Variants in EPHA10 observed in about 807,000 individuals in gnomAD.
EPHA10 encodes ephrin type-A receptor 10.
EPHA10 carries 120 observed loss-of-function variants against 109.7 expected under a neutral mutation model. That is an observed-to-expected ratio of 1.09 (90% CI 0.94 to 1.27). The LOEUF (loss-of-function observed/expected upper bound fraction) is 1.27. EPHA10 is among the 50% of genes most tolerant of loss of function. The probability of loss-of-function intolerance (pLI) is 0.00; values close to 1 mark genes in which losing one functional copy is unlikely to be tolerated. For missense variants in EPHA10, 1,396 were observed against 1,411.1 expected (o/e 0.99, Z 0.17); for synonymous variants, 640 against 618.9 (o/e 1.03, Z -0.51).
In EPHA10 at chr1:37,719,820, A is replaced by G. The variant is rs530579031; in HGVS notation, c.2562+89T>C. The G allele has an allele frequency of 6.9e-6, 11 of 1,599,066 alleles. No homozygotes were observed. In the East Asian group the frequency reaches 2.5e-4, roughly 36 times the overall value. On this transcript the variant is annotated intron_variant, in intron 14 of 16. Transcript: ENST00000373048. ...CAGAGAAGAGGGGCCTGAGGCAGGA[A>G]GATTGAGGGCCAACGGGCAGAGGTC...
At chr1:37,721,904 A>C (rs952598574) in intron 10 of EPHA10, 59 bp from the exon 11 acceptor site, 1 of 1,424,534 alleles carries the variant, frequency 7.0e-7, no homozygotes, top group African/African-American at 1.5e-5. Context: ...TGAGCTGGGC[A>C]GGCTGAGCCG....
rs765372796 is a variant in EPHA10 at position 37,720,377 on chromosome 1, G to A, written c.2386C>T (p.Arg796Ter). The A allele has an allele frequency of 8.7e-6, 14 of 1,611,580 alleles. No individual in the cohort carries two copies. The highest frequency in any genetic ancestry group is 8.4e-5 in the Admixed American group (5 of 59,816). Reference sequence around the variant, plus strand: ...ATAGTGGTGTAGACAGCCTCTGATCGGTCCCGGGGGCCCCGCCCGAAGCCA... The same window carrying A: ...ATAGTGGTGTAGACAGCCTCTGATCAGTCCCGGGGGCCCCGCCCGAAGCCA... ...ISGFGRGPRD[R>*]SEAVYTTMSG... Residue 796 changes from arginine (R) to a stop codon, truncating the protein, a stop_gained, in exon 13 of 17, where the codon CGA becomes TGA. Transcript: ENST00000373048. LOFTEE classifies it high-confidence loss of function.
chr1:37,753,021 C>T lies in EPHA10; in HGVS notation c.1212G>A (p.Gly404=). The T allele has an allele frequency of 1.6e-6, 2 of 1,231,874 alleles. No homozygotes were observed. Among genetic ancestry groups the T allele is most frequent in the Non-Finnish European group, 2.0e-6 (2 of 988,924 alleles). 76.3% of individuals were successfully genotyped at this position (1,231,874 alleles called of 1,614,324 possible). ...GCAGCGTGGCGGCTCGCTCCCGCAGCCCTGCCTGGCGCGGTAGGAAGGCCA... is the reference window on the plus strand; with the variant it reads ...GCAGCGTGGCGGCTCGCTCCCGCAGTCCTGCCTGGCGCGGTAGGAAGGCCA... ...PRVAFLPRQA[G]LRERAATLLH... is the part of the protein sequence containing the mutation. The change falls in exon 5 of 17, where the codon GGG becomes GGA. Residue 404 remains glycine, a synonymous_variant. Transcript: ENST00000373048.
rs569492625 is a variant in EPHA10 at position 37,725,210 on chromosome 1, A to C, written c.1773-1838T>G. ...GCAGACCAAGAAGGGAACTGGATTA[A>C]GTATTGGGGTGAGGCCAGGCATGGT... On this transcript the variant is annotated intron_variant, in intron 8 of 16. Transcript: ENST00000373048. Among the ~76,000 whole-genome samples, 19 of 152,232 alleles carry C rather than the reference A, an allele frequency of 1.2e-4. No homozygotes were observed. The South Asian group carries it at 3.7e-3, about 30-fold the overall frequency.
chr1:37,717,834 T>C lies in EPHA10; in HGVS notation c.*538A>G. The C allele has an allele frequency of 4.3e-6, 1 of 234,914 alleles. No homozygotes were observed. The highest frequency in any genetic ancestry group is 8.4e-6 in the Non-Finnish European group (1 of 118,988). 14.6% of individuals were successfully genotyped at this position (234,914 alleles called of 1,614,324 possible). A position where few individuals can be genotyped will look rare whatever the true frequency, so the allele number is the denominator to read the frequency against. On this transcript the variant is annotated 3_prime_UTR_variant, in exon 17 of 17. Coordinates refer to ENST00000373048, the MANE Select transcript of EPHA10 (RefSeq NM_001099439.2). ...CCTTGGCCAGTGTCCAGTCAGCCCC[T>C]GCCAAGGCACAGGGAGCTGAGGTGG...
At chr1:37,715,854 C>G, downstream of EPHA10, 1 of 544,890 alleles carries the variant, frequency 1.8e-6, no homozygotes. Flanking sequence ...GTTGGACTCA[C>G]CTCTATGCAG....
chr1:37,738,311 G>A (rs979446347), intron 5 of EPHA10, among the ~76,000 whole-genome samples: 2 of 152,178 alleles, frequency 1.3e-5, no homozygotes, highest in African/African-American at 4.8e-5. Context: ...AGGTTGCAGT[G>A]AGCTGAGATC....
At chr1:37,732,525 A>C (rs1341858561) in intron 6 of EPHA10, among the ~76,000 whole-genome samples, 1 of 152,182 alleles carries the variant, frequency 6.6e-6, no homozygotes, top group Non-Finnish European at 1.5e-5. Context: ...ACTTTGACCC[A>C]AGCTGGGCCA....
intron 12 of EPHA10, 92 bp downstream of exon 12, chr1:37,720,691 T>C: frequency 6.4e-7 from 1 of 1,561,570 alleles, no homozygotes; most frequent in Non-Finnish European, 8.8e-7. Context: ...GTGGGGATGA[T>C]GCCAATTCCA....
chr1:37,753,263 C>G, intron 4 of EPHA10, 37 bp from the exon 5 acceptor site: 1 of 256,700 alleles, frequency 3.9e-6, no homozygotes, highest in Non-Finnish European at 4.8e-6. Context: ...CAGGGCGGGG[C>G]GTGGGTGCCC....
intron 5 of EPHA10, among the ~76,000 whole-genome samples, chr1:37,741,281 G>A (rs1399099808): frequency 6.6e-6 from 1 of 152,234 alleles, no homozygotes; most frequent in African/African-American, 2.4e-5. Context: ...GCTGAGAGGA[G>A]ACAACAGAGT....
At chr1:37,725,963 C>T (rs573286431) in intron 8 of EPHA10, among the ~76,000 whole-genome samples, 28 of 152,166 alleles carry the variant, frequency 1.8e-4, no homozygotes, top group Non-Finnish European at 3.1e-4. Context: ...ACCTCTCTAC[C>T]CCTCCACACT....
chr1:37,720,157 A>C, intron 13 of EPHA10, 99 bp from the exon 14 acceptor site: 1 of 1,501,920 alleles, frequency 6.7e-7, no homozygotes, highest in Non-Finnish European at 9.0e-7. Context: ...TCATCCTCCC[A>C]GGCAACCCCC....
Position 37,718,322 on chromosome 1 carries a change from TG to T in EPHA10, c.*49del. On this transcript the variant is annotated 3_prime_UTR_variant, in exon 17 of 17. Coordinates refer to ENST00000373048, the MANE Select transcript of EPHA10 (RefSeq NM_001099439.2). ...GCTTGCCACGGTCCTTGGGCAGGGC[TG>T]GGGGACTGGACCCCCACCGGAGTCC... 2.7e-6 allele frequency: 4 copies of T among 1,486,452 alleles called. No individual in the cohort carries two copies. Among genetic ancestry groups the T allele is most frequent in the Non-Finnish European group, 3.7e-6 (4 of 1,087,668 alleles). 92.1% of individuals were successfully genotyped at this position (1,486,452 alleles called of 1,614,324 possible). A position where few individuals can be genotyped will look rare whatever the true frequency, so the allele number is the denominator to read the frequency against.
intron 7 of EPHA10, among the ~76,000 whole-genome samples, chr1:37,728,988 T>C (rs1400455465): frequency 2.0e-5 from 3 of 152,172 alleles, no homozygotes; most frequent in African/African-American, 7.2e-5. Flanking sequence ...GCTGGACTCA[T>C]TTCTAATGAA....
At chr1:37,745,695 C>T (rs1274272266) in intron 5 of EPHA10, among the ~76,000 whole-genome samples, 4 of 152,050 alleles carry the variant, frequency 2.6e-5, no homozygotes, top group African/African-American at 9.7e-5. Context: ...CTAAAAAATA[C>T]AAATATTAGC....
At chr1:37,748,845 A>C (rs921912392) in intron 5 of EPHA10, among the ~76,000 whole-genome samples, 1 of 152,044 alleles carries the variant, frequency 6.6e-6, no homozygotes, top group African/African-American at 2.4e-5. Context: ...CTAGGGATTA[A>C]AGGCACAGGG....
chr1:37,763,806 G>C (rs1646453385), intron 1 of EPHA10, among the ~76,000 whole-genome samples: 1 of 152,096 alleles, frequency 6.6e-6, no homozygotes, highest in Non-Finnish European at 1.5e-5. Context: ...CTGACTCCCG[G>C]GCCTCTGAGA....
At chr1:37,729,176 C>A (rs529729738) in intron 7 of EPHA10, among the ~76,000 whole-genome samples, 1 of 152,232 alleles carries the variant, frequency 6.6e-6, no homozygotes, top group East Asian at 1.9e-4. Context: ...CAGCAGCCAG[C>A]AAGACCCTGA....
Sources: gnomAD v4.1 joint callset for allele counts (sites outside exome capture counted in the v4.1 genomes callset) on GRCh38, gnomAD v4.1.1 for gene constraint, MANE v1.5 for transcripts, NCBI Gene and HGNC (gene_info 2026-07-23, HGNC 2026-07-21) for gene names.